The following CRMP1 variants were observed in gnomAD, a reference collection of about 807,000 sequenced individuals.
The protein encoded by CRMP1 is collapsin response mediator protein 1, also known as dihydropyrimidinase-related protein 1.
CRMP1 carries 19 observed loss-of-function variants against 68.3 expected under a neutral mutation model. The observed-to-expected ratio is 0.28, with a 90% confidence interval of 0.19 to 0.41. CRMP1 has a LOEUF of 0.41. Ranked by LOEUF, CRMP1 falls within the 10% of genes least tolerant of loss-of-function variation. The pLI is 1.00. For synonymous variants in CRMP1, 439 were observed against 399.6 expected (o/e 1.10, Z -1.18); for missense variants, 791 against 967.4 (o/e 0.82, Z 2.42).
In CRMP1 at chr4:5,870,285, T is replaced by C. The variant is rs545632674; in HGVS notation, c.382-3529A>G. On this transcript the variant is annotated intron_variant, in intron 1 of 13. Coordinates refer to ENST00000324989, the MANE Select transcript of CRMP1 (RefSeq NM_001014809.3). This position sits in a 1 kb window ranked among gnomAD's most constrained non-coding sequence, Gnocchi z 6.0. ...GCTGGCCCTACATCCCTTACCCGTT[T>C]ATGTATTCACAGTATTTACGGCACA... Among the ~76,000 whole-genome samples, 1 of 152,208 alleles carries C rather than the reference T, an allele frequency of 6.6e-6. No homozygotes were observed. Among genetic ancestry groups the C allele is most frequent in the Non-Finnish European group, 1.5e-5 (1 of 68,030 alleles).
chr4:5,835,573 G>A (rs1043847552), intron 11 of CRMP1, among the ~76,000 whole-genome samples: 1 of 152,146 alleles, frequency 6.6e-6, no homozygotes, highest in Non-Finnish European at 1.5e-5. Flanking sequence ...ATTAAATTGA[G>A]AACCTTAGAT....
chr4:5,821,814 G>A lies in CRMP1; in HGVS notation c.2007C>T (p.Gly669=), dbSNP rs535769755. ...CACCAGGGGGCGCCACGATGCGGTGGCCGGTGCGCCTGGGATTGTTGTCAT... is the reference window on the plus strand; with the variant it reads ...CACCAGGGGGCGCCACGATGCGGTGACCGGTGCGCCTGGGATTGTTGTCAT... ...QIDDNNPRRT[G]HRIVAPPGGR... The change falls in exon 14 of 14, where the codon GGC becomes GGT. Residue 669 remains glycine, a synonymous_variant. Coordinates refer to ENST00000324989, the MANE Select transcript of CRMP1 (RefSeq NM_001014809.3). This position sits in a 1 kb window ranked among gnomAD's most constrained non-coding sequence, Gnocchi z 4.4. 8.7e-6 allele frequency: 14 copies of A among 1,610,932 alleles called. No homozygotes were observed. The African/African-American group carries it at 1.2e-4, about 14-fold the overall frequency.
chr4:5,828,804 T>A (rs1720094769), intron 11 of CRMP1, 136 bp from the exon 12 acceptor site: 5 of 1,083,810 alleles, frequency 4.6e-6, no homozygotes, highest in African/African-American at 3.3e-5. Flanking sequence ...TACCTTTTAT[T>A]GACTGTAATA....
intron 11 of CRMP1, among the ~76,000 whole-genome samples, chr4:5,829,245 C>T (rs1037854295): frequency 6.6e-6 from 1 of 152,038 alleles, no homozygotes; most frequent in Non-Finnish European, 1.5e-5. Context: ...CACATTCGGC[C>T]GGGCACGGTG....
intron 10 of CRMP1, 65 bp downstream of exon 10, chr4:5,836,700 G>T: frequency 6.2e-7 from 1 of 1,610,704 alleles, no homozygotes; most frequent in Non-Finnish European, 8.5e-7. Context: ...CGTGCATAAT[G>T]CATCGGCTTT....
In CRMP1 at chr4:5,861,039, C is replaced by A. The variant is rs767203546; in HGVS notation, c.642G>T (p.Gly214=). 1 of 1,613,966 alleles carries A rather than the reference C, an allele frequency of 6.2e-7. No homozygotes were observed. The highest frequency in any genetic ancestry group is 1.7e-5 in the Admixed American group (1 of 60,012). The stretch of plus-strand genomic sequence containing the variant: ...AGTGTCACTCACTGATCATCGTGGT[C>A]CCGCCCACCAGTGCCGCCCTGGTCC... The part of the protein sequence containing the change: ...FQGTRAALVG[G]TTMIIDHVVP... The change falls in exon 3 of 14, where the codon GGG becomes GGT. Residue 214 remains glycine (G), a synonymous_variant. Coordinates refer to ENST00000324989, the MANE Select transcript of CRMP1 (RefSeq NM_001014809.3). This position sits in a 1 kb window ranked among gnomAD's most constrained non-coding sequence, Gnocchi z 6.0.
chr4:5,821,857 A>C lies in CRMP1; in HGVS notation c.1970-6T>G. 1 of 1,563,672 alleles carries C rather than the reference A, an allele frequency of 6.4e-7. No homozygotes were observed. The highest frequency in any genetic ancestry group is 8.6e-7 in the Non-Finnish European group (1 of 1,159,618). ...GTTGTCATCTATCTGGGCACCTGAA[A>C]GAGAGCGCCAATCGCTGCTGGATGG... On this transcript the variant is annotated splice_region_variant and splice_polypyrimidine_tract_variant and intron_variant, in intron 13 of 13. Coordinates refer to ENST00000324989, the MANE Select transcript of CRMP1 (RefSeq NM_001014809.3). This position sits in a 1 kb window ranked among gnomAD's most constrained non-coding sequence, Gnocchi z 4.4.
At chr4:5,867,476 A>C (rs769227362) in intron 1 of CRMP1, among the ~76,000 whole-genome samples, 1 of 152,220 alleles carries the variant, frequency 6.6e-6, no homozygotes, top group Admixed American at 6.5e-5. Flanking sequence ...AGACTAAAAA[A>C]AGAAAACCCC....
chr4:5,824,064 G>C (rs910416720), intron 13 of CRMP1, among the ~76,000 whole-genome samples: 2 of 152,168 alleles, frequency 1.3e-5, no homozygotes, highest in African/African-American at 4.8e-5. Flanking sequence ...GTGAGGAGGG[G>C]CCCTTCCAGG....
intron 6 of CRMP1, among the ~76,000 whole-genome samples, chr4:5,847,480 A>G (rs1712309484): frequency 6.6e-6 from 1 of 152,194 alleles, no homozygotes; most frequent in African/African-American, 2.4e-5. Flanking sequence ...CTGCCCTTGT[A>G]TAATCCCTTC....
intron 1 of CRMP1, among the ~76,000 whole-genome samples, chr4:5,875,112 C>T (rs1265395670): frequency 6.6e-6 from 1 of 152,176 alleles, no homozygotes; most frequent in East Asian, 1.9e-4. Context: ...TTTTCACAAA[C>T]ATTAAGCATT....
At position 5,842,428 on chromosome 4, in the gene CRMP1, C is replaced by CA. The variant is rs71171489; in HGVS notation, c.1032+664dup. On this transcript the variant is annotated intron_variant, in intron 7 of 13. Transcript: ENST00000324989. This position sits in a 1 kb window ranked among gnomAD's most constrained non-coding sequence, Gnocchi z 4.5. ...TGGGCAACAGAGAGAGACTCCATCT[C>CA]AAAAAAAAAAAAAAAAAAAGAAAAG... Among the ~76,000 whole-genome samples, 318 of 98,802 alleles carry CA rather than the reference C, an allele frequency of 3.2e-3. 2 individuals are homozygous for CA. Among genetic ancestry groups the CA allele is most frequent in the South Asian group, 8.3e-3 (21 of 2,526 alleles). 64.8% of individuals were successfully genotyped at this position (98,802 alleles called of 152,430 possible). A position where few individuals can be genotyped will look rare whatever the true frequency, so the allele number is the denominator to read the frequency against.
At chr4:5,863,332 C>T (rs1452551630) in intron 2 of CRMP1, among the ~76,000 whole-genome samples, 1 of 152,122 alleles carries the variant, frequency 6.6e-6, no homozygotes, top group East Asian at 1.9e-4. Flanking sequence ...GACAGCACAA[C>T]TCAGAGAGGT....
intron 6 of CRMP1, among the ~76,000 whole-genome samples, chr4:5,847,724 G>C (rs1712328463): frequency 6.6e-6 from 1 of 152,204 alleles, no homozygotes; most frequent in South Asian, 2.1e-4. Context: ...TGGAACTAGA[G>C]GGAACTGGTT....
chr4:5,876,544 A>G (rs1714847450), intron 1 of CRMP1, among the ~76,000 whole-genome samples: 2 of 152,224 alleles, frequency 1.3e-5, no homozygotes, highest in African/African-American at 4.8e-5. Context: ...ATGAGCCTCA[A>G]AAAGATCAAG....
intron 3 of CRMP1, among the ~76,000 whole-genome samples, chr4:5,856,977 C>T (rs1713144351): frequency 6.8e-6 from 1 of 147,748 alleles, no homozygotes; most frequent in South Asian, 2.1e-4. Context: ...TCATCACCAC[C>T]ATCCACTGTT....
intron 1 of CRMP1, among the ~76,000 whole-genome samples, chr4:5,874,638 G>A (rs929378167): frequency 6.6e-6 from 1 of 151,970 alleles, no homozygotes; most frequent in Non-Finnish European, 1.5e-5. Context: ...ACAGACAAGA[G>A]GCAAGGAGAG....
At chr4:5,856,523 C>G (rs1375020556) in intron 3 of CRMP1, among the ~76,000 whole-genome samples, 1 of 151,690 alleles carries the variant, frequency 6.6e-6, no homozygotes, top group Non-Finnish European at 1.5e-5. Flanking sequence ...CCATGACCAT[C>G]ATTACCATCA....
chr4:5,823,022 C>T lies in CRMP1; in HGVS notation c.1970-1171G>A, dbSNP rs568390793. Among the ~76,000 whole-genome samples, 33 of 152,100 alleles carry T rather than the reference C, an allele frequency of 2.2e-4. 1 individual carries two copies. The highest frequency in any genetic ancestry group is 1.1e-3 in the Admixed American group (17 of 15,264). On this transcript the variant is annotated intron_variant, in intron 13 of 13. Transcript: ENST00000324989. ...TTCTAATACATCTGACTTTCTTTAC[C>T]GACAACTGTCTTGGTGAATTTTTTT... is the stretch of plus-strand genomic sequence containing the variant.
Sources: gnomAD v4.1 joint callset for allele counts (sites outside exome capture counted in the v4.1 genomes callset) on GRCh38, gnomAD v4.1.1 for gene constraint, Gnocchi (gnomAD v3.1) non-coding constraint, MANE v1.5 for transcripts, NCBI Gene and HGNC (gene_info 2026-07-23, HGNC 2026-07-21) for gene names.